The following LPCAT1 variants were observed in gnomAD, a reference collection of about 807,000 sequenced individuals.
LPCAT1 encodes the protein lysophosphatidylcholine acyltransferase 1, also known as 1-acylglycerol-3-phosphate O-acyltransferase.
In LPCAT1, 23 loss-of-function variants were observed where a neutral mutation model predicts 60.9. The observed-to-expected ratio is 0.38, with a 90% CI of 0.27 to 0.53. The LOEUF (loss-of-function observed/expected upper bound fraction) is 0.53, where lower values mean the gene tolerates loss of function less well. Ranked by LOEUF, LPCAT1 falls within the 20% of genes least tolerant of loss-of-function variation. The probability of loss-of-function intolerance (pLI) is 0.82; values close to 1 mark genes in which losing one functional copy is unlikely to be tolerated. For synonymous variants in LPCAT1, 340 were observed against 301.1 expected (o/e 1.13, Z -1.34); for missense variants, 622 against 723.6 (o/e 0.86, Z 1.61).
At chr5:1,507,278 G>A (rs1457374530) in intron 1 of LPCAT1, among the ~76,000 whole-genome samples, 1 of 152,208 alleles carries the variant, frequency 6.6e-6, no homozygotes, top group Non-Finnish European at 1.5e-5. Flanking sequence ...TGTCACCACA[G>A]GACCCTGATC....
chr5:1,466,620 G>C, intron 13 of LPCAT1, 129 bp downstream of exon 13: 1 of 1,046,052 alleles, frequency 9.6e-7, no homozygotes, highest in Non-Finnish European at 1.3e-6. Flanking sequence ...TTGTTACACA[G>C]GGCAGCCTGG....
In LPCAT1 at chr5:1,476,932, C is replaced by T. The variant is rs571993836; in HGVS notation, c.899+472G>A. Among the ~76,000 whole-genome samples the T allele has an allele frequency of 1.3e-5, 2 of 152,316 alleles. No individual in the cohort carries two copies. The highest frequency in any genetic ancestry group is 2.9e-5 in the Non-Finnish European group (2 of 68,026). On this transcript the variant is annotated intron_variant, in intron 9 of 13. Transcript: ENST00000283415. This position sits in a 1 kb window ranked among gnomAD's most constrained non-coding sequence, Gnocchi z 8.6. ...AAGCGAGGACATTCCCTCTTCCTAA[C>T]TGCATGCACGACAACTGTGTAAGCA...
At position 1,521,352 on chromosome 5, in the gene LPCAT1, T is replaced by TA; in HGVS notation, c.135+2357dup. 1 of 985,454 alleles carries TA rather than the reference T, an allele frequency of 1.0e-6. No individual in the cohort carries two copies. Among genetic ancestry groups the TA allele is most frequent in the South Asian group, 4.7e-5 (1 of 21,288 alleles). 61.0% of individuals were successfully genotyped at this position (985,454 alleles called of 1,614,324 possible). On this transcript the variant is annotated intron_variant, in intron 1 of 13. Coordinates refer to ENST00000283415, the MANE Select transcript of LPCAT1 (RefSeq NM_024830.5). This position sits in a 1 kb window ranked among gnomAD's most constrained non-coding sequence, Gnocchi z 4.3. ...AGGTAAATGCAGGTACTCACTGGTT[T>TA]ATCTCAACTGGGAACTTAGCTGGGT...
rs1406481942 is a variant in LPCAT1, at chr5:1,508,794, G to A, written c.136-7191C>T. ...CTGGAAGTCTCTGAGTGAAGGCGCC[G>A]GTGGTCACAATGCCCAGGCCCAGGC... On this transcript the variant is annotated intron_variant, in intron 1 of 13. Transcript: ENST00000283415. 2.6e-5 allele frequency among the ~76,000 whole-genome samples: 4 copies of A among 152,320 alleles called. 1 individual carries two copies. The highest frequency in any genetic ancestry group is 3.4e-3 in the Middle Eastern group (1 of 294).
Position 1,480,433 on chromosome 5 carries a change from A to T in LPCAT1, c.761+509T>A. On this transcript the variant is annotated intron_variant, in intron 7 of 13. Transcript: ENST00000283415. The surrounding 1 kb of genome is among the most constrained non-coding windows in gnomAD (Gnocchi z 6.4). ...AGACGTCAGCACCCAGGAGGCCCTG[A>T]CCAGCCTGTGGCCCCGGGCTTCTCC... 1 of 946,214 alleles carries T rather than the reference A, an allele frequency of 1.1e-6. No individual in the cohort carries two copies. The highest frequency in any genetic ancestry group is 1.3e-6 in the Non-Finnish European group (1 of 794,242). 58.6% of individuals were successfully genotyped at this position (946,214 alleles called of 1,614,324 possible). A position where few individuals can be genotyped will look rare whatever the true frequency, so the allele number is the denominator to read the frequency against.
In LPCAT1 at chr5:1,477,406, G is replaced by A. The variant is rs781371900; in HGVS notation, c.897C>T (p.Ala299=). The change falls in exon 9 of 14, where the codon GCC becomes GCT. Residue 299 remains alanine, a splice_region_variant and synonymous_variant. Transcript: ENST00000283415. The surrounding 1 kb of genome is among the most constrained non-coding windows in gnomAD (Gnocchi z 6.0). ...GGGGGAAGGAGCTGCTCACTTACTC[G>A]GCCATGACTCGCCGCACGTTGCTGG... The part of the protein sequence containing the change: ...LYASNVRRVM[A]EALGVSVTDY... The A allele has an allele frequency of 2.2e-5, 36 of 1,613,568 alleles. No homozygotes were observed. The highest frequency in any genetic ancestry group is 1.6e-4 in the Middle Eastern group (1 of 6,078).
At chr5:1,518,032 T>C (rs548630212) in intron 1 of LPCAT1, among the ~76,000 whole-genome samples, 1 of 152,360 alleles carries the variant, frequency 6.6e-6, no homozygotes, top group East Asian at 1.9e-4. Flanking sequence ...TCACATGGAC[T>C]AATGCAGAAG....
rs1294128223 is a variant in LPCAT1 at position 1,502,502 on chromosome 5, C to T, written c.136-899G>A. 6.6e-6 allele frequency among the ~76,000 whole-genome samples: 1 copy of T among 152,098 alleles called. No individual in the cohort carries two copies. Among genetic ancestry groups the T allele is most frequent in the Non-Finnish European group, 1.5e-5 (1 of 68,026 alleles). ...GTGAACTGGCGGGAGGGCAGGGGCG[C>T]AGGTCAATATGGGGGCTCAGGAAGG... On this transcript the variant is annotated intron_variant, in intron 1 of 13. Transcript: ENST00000283415. This position sits in a 1 kb window ranked among gnomAD's most constrained non-coding sequence, Gnocchi z 5.5.
intron 13 of LPCAT1, among the ~76,000 whole-genome samples, chr5:1,464,993 G>A (rs1560944252): frequency 6.9e-6 from 1 of 145,048 alleles, no homozygotes. Context: ...ACAAGTGCAG[G>A]CACACAATAA....
rs967390369 is a variant in LPCAT1 at position 1,496,264 on chromosome 5, G to T, written c.279-1350C>A. Among the ~76,000 whole-genome samples, 1 of 152,124 alleles carries T rather than the reference G, an allele frequency of 6.6e-6. No homozygotes were observed. Among genetic ancestry groups the T allele is most frequent in the Non-Finnish European group, 1.5e-5 (1 of 68,024 alleles). ...TAATCCCAGCCACTCAGGAGGCTGA[G>T]GCAGGAGAACTGCTTGAACCCAAGG... On this transcript the variant is annotated intron_variant, in intron 2 of 13. Coordinates refer to ENST00000283415, the MANE Select transcript of LPCAT1 (RefSeq NM_024830.5). The surrounding 1 kb of genome is among the most constrained non-coding windows in gnomAD (Gnocchi z 4.7).
rs180767898 is a variant in LPCAT1 at position 1,462,079 on chromosome 5, T to A, written c.*1572A>T. ...TTGAAACGGAGCTGAAGGTTGTTTT[T>A]AAATGTCTGTCAGTGGAGAAACGCG... On this transcript the variant is annotated 3_prime_UTR_variant, in exon 14 of 14. Coordinates refer to ENST00000283415, the MANE Select transcript of LPCAT1 (RefSeq NM_024830.5). The A allele has an allele frequency of 2.0e-5, 3 of 152,588 alleles. No homozygotes were observed. The highest frequency in any genetic ancestry group is 1.3e-4 in the Admixed American group (2 of 15,308). 9.5% of individuals were successfully genotyped at this position (152,588 alleles called of 1,614,324 possible).
intron 3 of LPCAT1, among the ~76,000 whole-genome samples, chr5:1,490,637 C>T (rs532478031): frequency 5.3e-4 from 80 of 152,274 alleles, no homozygotes; most frequent in African/African-American, 1.7e-3. Context: ...TAGCACAGCC[C>T]CAGTTTAACC....
chr5:1,471,465 G>A (rs1170020423), intron 11 of LPCAT1, among the ~76,000 whole-genome samples: 2 of 152,190 alleles, frequency 1.3e-5, no homozygotes, highest in Admixed American at 6.5e-5. Context: ...AGGCACAGGT[G>A]GGGGCTGACA....
At chr5:1,492,687 C>T (rs1296420071) in intron 3 of LPCAT1, among the ~76,000 whole-genome samples, 1 of 152,190 alleles carries the variant, frequency 6.6e-6, no homozygotes, top group Non-Finnish European at 1.5e-5. Context: ...AGTGCTGGGT[C>T]ACCTGGGTTG....
chr5:1,488,367 T>C (rs1238529696), intron 5 of LPCAT1, 24 bp downstream of exon 5: 5 of 1,472,986 alleles, frequency 3.4e-6, no homozygotes, highest in Non-Finnish European at 4.7e-6. Flanking sequence ...AGGAGAAAAA[T>C]AAACATTTAA....
intron 1 of LPCAT1, among the ~76,000 whole-genome samples, chr5:1,513,958 C>T (rs554251314): frequency 2.1e-4 from 32 of 152,290 alleles, no homozygotes; most frequent in Non-Finnish European, 4.6e-4. Flanking sequence ...CACAGGCTCT[C>T]ACCCGTGGGG....
At chr5:1,504,215 G>A (rs1325242218) in intron 1 of LPCAT1, among the ~76,000 whole-genome samples, 1 of 152,206 alleles carries the variant, frequency 6.6e-6, no homozygotes, top group Non-Finnish European at 1.5e-5. Context: ...AAGTCTAAGG[G>A]GCAGCCTTTT....
In LPCAT1 at chr5:1,474,455, T is replaced by A. The variant is rs902327120; in HGVS notation, c.1025+105A>T. On this transcript the variant is annotated intron_variant, in intron 10 of 13. Coordinates refer to ENST00000283415, the MANE Select transcript of LPCAT1 (RefSeq NM_024830.5). ...ATTTGAAAAAAGCCAGAATAATTAA[T>A]AATTATCTCCTCAGTTCCCCTCCCT... 4.8e-5 allele frequency: 65 copies of A among 1,345,746 alleles called. No homozygotes were observed. In the East Asian group the frequency reaches 1.6e-3, roughly 33 times the overall value. 83.4% of individuals were successfully genotyped at this position (1,345,746 alleles called of 1,614,324 possible).
In LPCAT1 at chr5:1,483,065, G is replaced by T. The variant is rs188316572; in HGVS notation, c.726+363C>A. Among the ~76,000 whole-genome samples the T allele has an allele frequency of 6.6e-6, 1 of 152,204 alleles. No homozygotes were observed. The highest frequency in any genetic ancestry group is 6.5e-5 in the Admixed American group (1 of 15,288). On this transcript the variant is annotated intron_variant, in intron 6 of 13. Transcript: ENST00000283415. This position sits in a 1 kb window ranked among gnomAD's most constrained non-coding sequence, Gnocchi z 9.2. ...CTGAAAGCTGCTGGGGGCCCTGGCC[G>T]GTGATGTGGGGTGGAGGGGTTCCCT...
Sources: gnomAD v4.1 joint callset for allele counts (sites outside exome capture counted in the v4.1 genomes callset) on GRCh38, gnomAD v4.1.1 for gene constraint, Gnocchi (gnomAD v3.1) non-coding constraint, MANE v1.5 for transcripts, NCBI Gene and HGNC (gene_info 2026-07-23, HGNC 2026-07-21) for gene names.